The following ADGRL2 variants were observed in gnomAD, a reference collection of about 807,000 sequenced individuals.
ADGRL2 encodes the protein adhesion G protein-coupled receptor L2.
A neutral mutation model predicts 157.4 loss-of-function variants in ADGRL2; 44 were observed. The ratio of observed to expected loss-of-function variants is 0.28; its 90% CI spans 0.22 to 0.36. The LOEUF (loss-of-function observed/expected upper bound fraction) is 0.36. Ranked by LOEUF, ADGRL2 falls within the 10% of genes least tolerant of loss-of-function variation. ADGRL2 has a pLI of 1.00. For missense variants in ADGRL2, 1,510 were observed against 1,768.9 expected (o/e 0.85, Z 2.63); for synonymous variants, 585 against 624.7 (o/e 0.94, Z 0.95).
At chr1:81,667,730 T>C (rs948137767) in intron 3 of ADGRL2, among the ~76,000 whole-genome samples, 3 of 152,184 alleles carry the variant, frequency 2.0e-5, no homozygotes, top group Non-Finnish European at 4.4e-5. Flanking sequence ...TTTGAGGGTG[T>C]ATCTAAGTAT....
At chr1:81,864,568 T>C (rs2093480090) in intron 2 of ADGRL2, among the ~76,000 whole-genome samples, 1 of 152,234 alleles carries the variant, frequency 6.6e-6, no homozygotes, top group Admixed American at 6.5e-5. Flanking sequence ...TTGTATCTGT[T>C]ATATGAAAGT....
chr1:81,448,710 A>C (rs897306246), intron 2 of ADGRL2, among the ~76,000 whole-genome samples: 4 of 152,114 alleles, frequency 2.6e-5, no homozygotes, highest in African/African-American at 7.2e-5. Context: ...CAGACAAACA[A>C]AAAAACAATG....
At chr1:81,509,487 G>A (rs1235115697) in intron 2 of ADGRL2, among the ~76,000 whole-genome samples, 2 of 152,066 alleles carry the variant, frequency 1.3e-5, no homozygotes, top group Admixed American at 1.3e-4. Context: ...TGTGGAACAC[G>A]CAGCATTTTG....
At chr1:81,382,889 G>A (rs2076367166) in intron 1 of ADGRL2, among the ~76,000 whole-genome samples, 1 of 152,164 alleles carries the variant, frequency 6.6e-6, no homozygotes, top group African/African-American at 2.4e-5. Context: ...TAACATTCGG[G>A]AATGTTTCTA....
At position 81,990,448 on chromosome 1, in the gene ADGRL2, G is replaced by A; in HGVS notation, c.3713G>A (p.Gly1238Asp). Residue 1238 changes from glycine (G) to aspartate (D), a missense_variant, in exon 24 of 24, where the codon GGT becomes GAT. By Grantham distance (94) the Gly-to-Asp change is moderately conservative (BLOSUM62 -1). This residue lies in a region of ADGRL2 where 327 missense variants were observed against 310.1 expected (regional missense o/e 1.05). Coordinates refer to ENST00000686636, the MANE Select transcript of ADGRL2 (RefSeq NM_001366006.2). ...GCCATGGATACTCTACCGCTAAATG[G>A]TAATTTTAACAACAGCTACTCGCTG... is the stretch of plus-strand genomic sequence containing the variant. Reference protein sequence around the residue: ...TSAMDTLPLNGNFNNSYSLHK... With the variant: ...TSAMDTLPLNDNFNNSYSLHK... 1 of 1,614,048 alleles carries A rather than the reference G, an allele frequency of 6.2e-7. No homozygotes were observed. The highest frequency in any genetic ancestry group is 8.5e-7 in the Non-Finnish European group (1 of 1,179,952).
intron 10 of ADGRL2, among the ~76,000 whole-genome samples, chr1:81,954,739 G>A (rs1652931075): frequency 6.6e-6 from 1 of 152,176 alleles, no homozygotes; most frequent in African/African-American, 2.4e-5. Context: ...AGGTCGTGGT[G>A]TCTCACACGG....
chr1:81,532,792 T>C (rs1171950872), intron 2 of ADGRL2, among the ~76,000 whole-genome samples: 1 of 151,330 alleles, frequency 6.6e-6, no homozygotes, highest in East Asian at 2.0e-4. Flanking sequence ...TGGTGACACA[T>C]GCCTGTGGTC....
intron 3 of ADGRL2, among the ~76,000 whole-genome samples, chr1:81,689,931 G>A (rs72716701): frequency 6.6e-6 from 1 of 152,102 alleles, no homozygotes; most frequent in Non-Finnish European, 1.5e-5. Context: ...CTTTGGATGA[G>A]ATCTCTCTCT....
At chr1:81,310,258 G>A (rs965252965) in intron 1 of ADGRL2, among the ~76,000 whole-genome samples, 5 of 152,026 alleles carry the variant, frequency 3.3e-5, no homozygotes, top group Admixed American at 3.3e-4. Context: ...GTCTATACAG[G>A]GCAGCATTTG....
chr1:81,395,966 G>A (rs1013691235), intron 1 of ADGRL2, among the ~76,000 whole-genome samples: 7 of 152,266 alleles, frequency 4.6e-5, no homozygotes, highest in Non-Finnish European at 1.0e-4. Context: ...CAGATAGTGT[G>A]ATGGTTCTGG....
intron 3 of ADGRL2, among the ~76,000 whole-genome samples, chr1:81,924,259 C>G (rs1027750992): frequency 6.6e-6 from 1 of 152,130 alleles, no homozygotes; most frequent in African/African-American, 2.4e-5. Flanking sequence ...GCATAGTATC[C>G]TAAGCTCTGA....
intron 1 of ADGRL2, among the ~76,000 whole-genome samples, chr1:81,323,831 T>A (rs1660699745): frequency 6.6e-6 from 1 of 152,080 alleles, no homozygotes; most frequent in South Asian, 2.1e-4. Context: ...ACCTCATAAT[T>A]AAGAGACCCT....
intron 1 of ADGRL2, among the ~76,000 whole-genome samples, chr1:81,421,192 G>A (rs191668504): frequency 2.0e-5 from 3 of 152,262 alleles, no homozygotes; most frequent in East Asian, 3.9e-4. Context: ...TTTAGAAGAA[G>A]AAGAAAAACA....
chr1:81,659,051 AATT>A (rs1197643644), intron 3 of ADGRL2, among the ~76,000 whole-genome samples: 7 of 105,060 alleles, frequency 6.7e-5, no homozygotes, highest in African/African-American at 1.5e-4. Flanking sequence ...CACACCCAGC[AATT>A]TTTTTTTTTT....
intron 2 of ADGRL2, among the ~76,000 whole-genome samples, chr1:81,541,415 AC>A (rs2079880530): frequency 6.6e-6 from 1 of 152,084 alleles, no homozygotes; most frequent in Non-Finnish European, 1.5e-5. Flanking sequence ...AGAACACTGC[AC>A]TTACACTTTA....
In ADGRL2 at chr1:81,719,908, T is replaced by C. The variant is rs568218451; in HGVS notation, c.-143+20100T>C. On this transcript the variant is annotated intron_variant, in intron 1 of 20. Coordinates refer to the ADGRL2 transcript ENST00000359929. ...GGTAGTCTATTTTTAAAATGTGATA[T>C]GGGAGAAAACATGATTTTGTGGACT... is the stretch of plus-strand genomic sequence containing the variant. 1.2e-4 allele frequency among the ~76,000 whole-genome samples: 19 copies of C among 152,288 alleles called. No individual in the cohort carries two copies. In the South Asian group the frequency reaches 3.7e-3, roughly 30 times the overall value.
chr1:81,700,099 C>G (rs2083530546), intron 1 of ADGRL2, among the ~76,000 whole-genome samples: 1 of 152,216 alleles, frequency 6.6e-6, no homozygotes, highest in South Asian at 2.1e-4. Flanking sequence ...GTCAAAGCAG[C>G]TCATCTCCCG....
intron 19 of ADGRL2, 23 bp from the exon 20 acceptor site, chr1:81,984,559 TG>T: frequency 6.4e-7 from 1 of 1,564,140 alleles, no homozygotes; most frequent in Non-Finnish European, 8.7e-7. Context: ...ATTAATCCCT[TG>T]GTCTTGTGAT....
intron 3 of ADGRL2, among the ~76,000 whole-genome samples, chr1:81,623,514 C>T (rs916307368): frequency 2.0e-5 from 3 of 152,164 alleles, no homozygotes; most frequent in Admixed American, 6.5e-5. Context: ...TGTTGAAGTC[C>T]TAACCCCAGG....
Sources: allele counts gnomAD v4.1 joint callset (sites outside exome capture counted in the v4.1 genomes callset), GRCh38; gene constraint gnomAD v4.1.1; regional missense constraint gnomAD v4.1.1; transcripts MANE v1.5; gene names NCBI Gene and HGNC (gene_info 2026-07-23, HGNC 2026-07-21).